Variants in RCC1 observed in about 807,000 individuals in gnomAD.
The protein encoded by RCC1 is regulator of chromosome condensation 1.
Under a neutral mutation model 44.4 loss-of-function variants are expected in RCC1, and 11 were observed. The ratio of observed to expected loss-of-function variants is 0.25; its 90% CI spans 0.16 to 0.41. The LOEUF (loss-of-function observed/expected upper bound fraction) is 0.41, where lower values mean the gene tolerates loss of function less well. Among genes scored for constraint, RCC1 ranks in the 10% least tolerant of loss-of-function variants. RCC1 has a pLI of 1.00. For synonymous variants in RCC1, 213 were observed against 216.5 expected (o/e 0.98, Z 0.14); for missense variants, 386 against 547.1 (o/e 0.71, Z 2.94).
intron 12 of RCC1, 119 bp from the exon 13 acceptor site, chr1:28,537,713 C>G: frequency 1.0e-6 from 1 of 1,000,326 alleles, no homozygotes; most frequent in South Asian, 1.8e-5. Context: ...GAGTCTGGTA[C>G]CTTGCCAAGC....
chr1:28,526,290 A>C (rs186670061), intron 4 of RCC1: 56 of 253,238 alleles, frequency 2.2e-4, no homozygotes, highest in African/African-American at 8.6e-4. Context: ...CTGTCTCAAA[A>C]AAACAAACAA....
At chr1:28,527,181 A>G (rs1265006959) in intron 4 of RCC1, 1 of 1,202,720 alleles carries the variant, frequency 8.3e-7, no homozygotes, top group Admixed American at 1.9e-5. Flanking sequence ...TGGCACTCAC[A>G]TGCCGGGCAA....
intron 1 of RCC1, 117 bp downstream of exon 1, chr1:28,506,201 CT>C (rs56695711): frequency 0.079 from 28,585 of 360,236 alleles, 9 homozygotes; most frequent in South Asian, 0.12. Flanking sequence ...TATTTATTTA[CT>C]TTTTTTTTTT....
intron 3 of RCC1, among the ~76,000 whole-genome samples, chr1:28,515,370 G>A (rs1168472069): frequency 2.0e-5 from 3 of 151,876 alleles, no homozygotes; most frequent in Non-Finnish European, 4.4e-5. Context: ...GTTGCAGTGA[G>A]CCGAGATCCT....
At chr1:28,520,820 G>A (rs1663221671) in intron 4 of RCC1, among the ~76,000 whole-genome samples, 1 of 152,176 alleles carries the variant, frequency 6.6e-6, no homozygotes, top group Non-Finnish European at 1.5e-5. Flanking sequence ...GCTCACGACT[G>A]TAACCCCAGC....
intron 4 of RCC1, among the ~76,000 whole-genome samples, chr1:28,523,508 C>T (rs1404961484): frequency 1.3e-5 from 2 of 152,140 alleles, no homozygotes; most frequent in Non-Finnish European, 2.9e-5. Context: ...CCAAACACAA[C>T]TAAGGAGATG....
chr1:28,525,316 T>C (rs998885902), intron 4 of RCC1, among the ~76,000 whole-genome samples: 1 of 152,198 alleles, frequency 6.6e-6, no homozygotes, highest in Non-Finnish European at 1.5e-5. Context: ...TTCTGCCTTT[T>C]AGTTTTTACT....
chr1:28,512,811 CT>C (rs911891055), intron 3 of RCC1, among the ~76,000 whole-genome samples: 5 of 151,042 alleles, frequency 3.3e-5, no homozygotes, highest in East Asian at 3.9e-4. Flanking sequence ...TTGCTAGTTT[CT>C]TTTTTTTTGG....
At chr1:28,529,778 A>T in intron 4 of RCC1, 80 bp from the exon 5 acceptor site, 1 of 1,073,374 alleles carries the variant, frequency 9.3e-7, no homozygotes, top group Non-Finnish European at 1.4e-6. Flanking sequence ...ACGTATTTCT[A>T]GAGTGTTTGA....
Position 28,527,234 on chromosome 1 carries a change from G to C in RCC1, c.-9-2624G>C. 3 of 755,000 alleles carry C rather than the reference G, an allele frequency of 4.0e-6. No homozygotes were observed. In the South Asian group the frequency reaches 4.4e-5, roughly 11 times the overall value. 46.8% of individuals were successfully genotyped at this position (755,000 alleles called of 1,614,324 possible). On this transcript the variant is annotated intron_variant, in intron 4 of 12. Coordinates refer to ENST00000683442, the MANE Select transcript of RCC1 (RefSeq NM_001381865.2). The stretch of plus-strand genomic sequence containing the variant: ...CTTCCCACAGCAGCCGCGATCTTCA[G>C]TGCATGTGTGTTTTTGTTTTTTTGA...
chr1:28,508,770 AC>A (rs1236209710), intron 2 of RCC1, 59 bp from the exon 3 acceptor site: 14 of 518,826 alleles, frequency 2.7e-5, no homozygotes, highest in Non-Finnish European at 5.0e-5. Flanking sequence ...TATCTAGTAT[AC>A]TAGATTTTAA....
chr1:28,524,146 C>A (rs1663488762), intron 4 of RCC1, among the ~76,000 whole-genome samples: 1 of 152,204 alleles, frequency 6.6e-6, no homozygotes, highest in South Asian at 2.1e-4. Context: ...CACATCCCTA[C>A]CCCATCTAAC....
At chr1:28,513,613 CTG>C (rs1482567452) in intron 3 of RCC1, among the ~76,000 whole-genome samples, 2 of 151,874 alleles carry the variant, frequency 1.3e-5, no homozygotes, top group Non-Finnish European at 2.9e-5. Flanking sequence ...GGGTCTCACT[CTG>C]TCACCCAGGC....
chr1:28,530,478 A>G, intron 5 of RCC1: 1 of 1,538,666 alleles, frequency 6.5e-7, no homozygotes, highest in Non-Finnish European at 8.8e-7. Context: ...CCAAACTGGG[A>G]GGGGAAGTGT....
intron 7 of RCC1, chr1:28,532,607 G>A: frequency 1.9e-6 from 1 of 523,512 alleles, no homozygotes; most frequent in East Asian, 3.9e-5. Flanking sequence ...CCTGGGTTGA[G>A]GCTGATCCAG....
intron 4 of RCC1, among the ~76,000 whole-genome samples, chr1:28,520,907 G>A (rs571773163): frequency 2.0e-5 from 3 of 152,158 alleles, no homozygotes; most frequent in Non-Finnish European, 2.9e-5. Context: ...GTGAAACCCC[G>A]TCTTTACTAA....
At chr1:28,510,220 G>A (rs1217420121) in intron 3 of RCC1, 1 of 152,390 alleles carries the variant, frequency 6.6e-6, no homozygotes. Context: ...TGTAGAGCTT[G>A]CTTGCCAAGG....
chr1:28,509,103 C>G, intron 3 of RCC1, 198 bp downstream of exon 3: 1 of 337,458 alleles, frequency 3.0e-6, no homozygotes, highest in Non-Finnish European at 5.8e-6. Flanking sequence ...ACGCCCAGCC[C>G]TCATACCTCT....
rs1423024113 is a variant in RCC1, at chr1:28,516,758, G to C, written c.-119G>C. The C allele has an allele frequency of 1.3e-5, 6 of 448,496 alleles. No homozygotes were observed. Among genetic ancestry groups the C allele is most frequent in the Non-Finnish European group, 2.2e-5 (5 of 223,938 alleles). The allele number at this position is 448,496 out of a possible 1,614,324, so 27.8% of individuals were successfully genotyped here. On this transcript the variant is annotated 5_prime_UTR_variant, in exon 4 of 13. Coordinates refer to ENST00000683442, the MANE Select transcript of RCC1 (RefSeq NM_001381865.2). ...ATGTGTAAGATCTTGGAGGAAGACA[G>C]CAGAGAGAGAGAGAGAGATCAGAGA...
Sources: allele counts gnomAD v4.1 joint callset (sites outside exome capture counted in the v4.1 genomes callset), GRCh38; gene constraint gnomAD v4.1.1; transcripts MANE v1.5; gene names NCBI Gene and HGNC (gene_info 2026-07-23, HGNC 2026-07-21).